The following SLC26A7 variants were observed in gnomAD, a reference collection of about 807,000 sequenced individuals.
The protein encoded by SLC26A7 is anion exchange transporter.
SLC26A7 carries 59 observed loss-of-function variants against 82.5 expected under a neutral mutation model. The ratio of observed to expected loss-of-function variants is 0.72; its 90% CI spans 0.58 to 0.89. The LOEUF is 0.89. Among genes scored for constraint, SLC26A7 ranks in the 40% least tolerant of loss-of-function variants. The pLI, the probability that SLC26A7 is intolerant of heterozygous loss-of-function variation, is 0.00. For missense variants in SLC26A7, 820 were observed against 793.0 expected (o/e 1.03, Z -0.41); for synonymous variants, 271 against 274.3 (o/e 0.99, Z 0.12).
Position 91,393,850 on chromosome 8 carries a change from A to C in SLC26A7, c.1830A>C (p.Thr610=), listed in dbSNP as rs781429289. Residue 610 remains threonine, a splice_region_variant and synonymous_variant, in exon 17 of 19, where the codon ACA becomes ACC. Coordinates refer to ENST00000276609, the MANE Select transcript of SLC26A7 (RefSeq NM_052832.4). ...RSVDVLLAHC[T]ASLIKAMTYY... is the part of the protein sequence containing the mutation. ...TGGATGTATTGTTAGCCCATTGTAC[A>C]GGTAAGAGAATGTCCCTGACTAACG... 1.9e-6 allele frequency: 3 copies of C among 1,613,690 alleles called. No individual in the cohort carries two copies. The South Asian group carries it at 3.3e-5, about 18-fold the overall frequency.
At chr8:91,381,368 A>G (rs888279626) in intron 15 of SLC26A7, among the ~76,000 whole-genome samples, 8 of 152,190 alleles carry the variant, frequency 5.3e-5, no homozygotes, top group Non-Finnish European at 1.2e-4. Context: ...AAATATATGA[A>G]TGAACTGCAT....
intron 2 of SLC26A7, among the ~76,000 whole-genome samples, chr8:91,236,680 TTGTTAA>T (rs1810397570): frequency 6.6e-6 from 1 of 152,156 alleles, no homozygotes; most frequent in Non-Finnish European, 1.5e-5. Flanking sequence ...GCCATTAATA[TTGTTAA>T]AGTTATACAG....
chr8:91,241,969 C>T (rs890129268), intron 2 of SLC26A7, among the ~76,000 whole-genome samples: 7 of 152,132 alleles, frequency 4.6e-5, no homozygotes, highest in Non-Finnish European at 1.0e-4. Context: ...AAATTTTCCC[C>T]TACATGTCAA....
intron 15 of SLC26A7, among the ~76,000 whole-genome samples, chr8:91,371,032 T>A (rs1300937085): frequency 6.6e-6 from 1 of 151,946 alleles, no homozygotes; most frequent in Non-Finnish European, 1.5e-5. Context: ...TTAAAAATGT[T>A]ACTAATGGAA....
Position 91,313,170 on chromosome 8 carries a change from T to A in SLC26A7, c.478-5046T>A, listed in dbSNP as rs547381662. Among the ~76,000 whole-genome samples the A allele has an allele frequency of 9.2e-5, 14 of 152,314 alleles. No homozygotes were observed. In the South Asian group the frequency reaches 2.9e-3, roughly 32 times the overall value. On this transcript the variant is annotated intron_variant, in intron 4 of 18. Transcript: ENST00000276609. ...TTTTGATTAATTTTTGTATATGGTG[T>A]TAGGTAAGGGTCCAACTTCATTCAT...
chr8:91,299,835 G>T (rs1202832418), intron 4 of SLC26A7, among the ~76,000 whole-genome samples: 1 of 152,082 alleles, frequency 6.6e-6, no homozygotes, highest in Admixed American at 6.5e-5. Flanking sequence ...AAGGCAAAGA[G>T]CAAACTAAAA....
At chr8:91,356,213 G>A (rs1813863947) in intron 11 of SLC26A7, among the ~76,000 whole-genome samples, 1 of 152,152 alleles carries the variant, frequency 6.6e-6, no homozygotes, top group African/African-American at 2.4e-5. Context: ...CTTTATAGCA[G>A]CATAATTTAT....
intron 5 of SLC26A7, among the ~76,000 whole-genome samples, chr8:91,329,604 C>A (rs1813023122): frequency 6.6e-6 from 1 of 152,094 alleles, no homozygotes; most frequent in Non-Finnish European, 1.5e-5. Context: ...TTTGGTATGG[C>A]TTGGAAGTTT....
chr8:91,333,139 A>G (rs1813140935), intron 5 of SLC26A7, among the ~76,000 whole-genome samples: 1 of 152,136 alleles, frequency 6.6e-6, no homozygotes, highest in Non-Finnish European at 1.5e-5. Context: ...TTACATAACT[A>G]TCAACAACAT....
intron 2 of SLC26A7, among the ~76,000 whole-genome samples, chr8:91,259,085 G>A (rs1810888586): frequency 6.6e-6 from 1 of 151,792 alleles, no homozygotes. Context: ...ACTACCCCTG[G>A]GACTGAAACC....
At chr8:91,219,046 A>G (rs1223627713) in intron 2 of SLC26A7, 1 of 1,029,722 alleles carries the variant, frequency 9.7e-7, no homozygotes, top group South Asian at 1.5e-5. Context: ...TTGCCCTGTC[A>G]GCTCTGCATA....
intron 2 of SLC26A7, among the ~76,000 whole-genome samples, chr8:91,270,384 T>C (rs1260028138): frequency 2.6e-5 from 4 of 152,178 alleles, no homozygotes; most frequent in Admixed American, 1.3e-4. Flanking sequence ...GAAAATTTAC[T>C]GTGATCATTG....
chr8:91,244,243 C>A (rs1810513608), intron 2 of SLC26A7, among the ~76,000 whole-genome samples: 1 of 152,128 alleles, frequency 6.6e-6, no homozygotes, highest in Admixed American at 6.5e-5. Flanking sequence ...AGAAATGAGA[C>A]AAGGCTTTTA....
At chr8:91,211,657 T>C (rs1809926969) in intron 1 of SLC26A7, among the ~76,000 whole-genome samples, 2 of 150,178 alleles carry the variant, frequency 1.3e-5, no homozygotes, top group Non-Finnish European at 3.0e-5. Context: ...TCTCTTTCTG[T>C]TAAATTTTTT....
chr8:91,311,199 T>A (rs929126759), intron 4 of SLC26A7, among the ~76,000 whole-genome samples: 2 of 152,220 alleles, frequency 1.3e-5, no homozygotes, highest in African/African-American at 4.8e-5. Flanking sequence ...AAATTATTTA[T>A]GTTAGCACAT....
intron 2 of SLC26A7, among the ~76,000 whole-genome samples, chr8:91,263,285 A>G (rs1811017180): frequency 6.6e-6 from 1 of 152,094 alleles, no homozygotes; most frequent in Admixed American, 6.6e-5. Flanking sequence ...GAAATCTGTT[A>G]TAATGGTTTT....
At position 91,338,178 on chromosome 8, in the gene SLC26A7, G is replaced by T. The variant is rs558386821; in HGVS notation, c.824G>T (p.Cys275Phe). The change falls in exon 7 of 19, where the codon TGC becomes TTC. Residue 275 changes from cysteine (C) to phenylalanine (F), a missense_variant. Transcript: ENST00000276609. ...ATTGCTGCATCATTTGCTTGTTATT[G>T]CACCAATATGGAAAACACATATGGA... ...LIIAASFACY[C>F]TNMENTYGLE... is the part of the protein sequence containing the mutation. 1 of 1,610,436 alleles carries T rather than the reference G, an allele frequency of 6.2e-7. No individual in the cohort carries two copies. Among genetic ancestry groups the T allele is most frequent in the African/African-American group, 1.3e-5 (1 of 74,814 alleles).
At chr8:91,322,268 T>A (rs773853854) in intron 5 of SLC26A7, among the ~76,000 whole-genome samples, 19 of 152,178 alleles carry the variant, frequency 1.2e-4, no homozygotes, top group Non-Finnish European at 2.2e-4. Flanking sequence ...TATTTTTATT[T>A]ATAAAGGTTT....
intron 4 of SLC26A7, among the ~76,000 whole-genome samples, chr8:91,307,709 T>C (rs1286057242): frequency 7.5e-5 from 10 of 133,392 alleles, no homozygotes; most frequent in South Asian, 5.2e-4. Flanking sequence ...AGATGACGAG[T>C]TAGTGGGTGC....
Sources: gnomAD v4.1 joint callset for allele counts (sites outside exome capture counted in the v4.1 genomes callset) on GRCh38, gnomAD v4.1.1 for gene constraint, MANE v1.5 for transcripts, NCBI Gene and HGNC (gene_info 2026-07-23, HGNC 2026-07-21) for gene names.